GPHN: variants seen among roughly 807,000 people sequenced by gnomAD.
GPHN encodes gephyrin.
Under a neutral mutation model 95.5 loss-of-function variants are expected in GPHN, and 17 were observed. The ratio of observed to expected loss-of-function variants is 0.18; its 90% confidence interval spans 0.12 to 0.27. GPHN has a LOEUF of 0.27. GPHN is among the 10% of genes least tolerant of loss of function. The pLI is 1.00. For synonymous variants in GPHN, 320 were observed against 322.5 expected (o/e 0.99, Z 0.08); for missense variants, 660 against 978.1 (o/e 0.67, Z 4.34).
chr14:67,394,948 C>T, the GPHN span, among the ~76,000 whole-genome samples: 1 of 152,200 alleles, frequency 6.6e-6, no homozygotes, highest in African/African-American at 2.4e-5. Flanking sequence ...GCAGAGAACT[C>T]CCACCAGCAA....
chr14:66,699,011 C>T (rs2068311177), intron 2 of GPHN, among the ~76,000 whole-genome samples: 1 of 151,464 alleles, frequency 6.6e-6, no homozygotes, highest in Non-Finnish European at 1.5e-5. Flanking sequence ...TCATTGTGAC[C>T]TGAGTGAGAA....
chr14:67,180,942 C>A lies in GPHN; in HGVS notation c.*5C>A. ...ATGGTCATTGGACGGCTATGATGGT[C>A]ACCAGCAGGAGAAAGCTTTGATGCA... is the stretch of plus-strand genomic sequence containing the variant. On this transcript the variant is annotated 3_prime_UTR_variant, in exon 23 of 23. Coordinates refer to ENST00000478722, the MANE Select transcript of GPHN (RefSeq NM_020806.5). 1 of 1,613,826 alleles carries A rather than the reference C, an allele frequency of 6.2e-7. No homozygotes were observed. The highest frequency in any genetic ancestry group is 1.1e-5 in the South Asian group (1 of 91,072).
intron 7 of GPHN, 151 bp from the exon 8 acceptor site, chr14:66,924,043 A>T (rs545695478): frequency 1.5e-6 from 1 of 658,056 alleles, no homozygotes; most frequent in South Asian, 1.7e-5. Context: ...GGCATTTAAA[A>T]TCTAAGCTGA....
chr14:67,242,042 C>G, the GPHN span: 1 of 152,228 alleles, frequency 6.6e-6, no homozygotes, highest in Non-Finnish European at 1.5e-5. Context: ...TTCCTTGTGA[C>G]CACTTTAAAA....
intron 11 of GPHN, among the ~76,000 whole-genome samples, chr14:67,082,121 T>G (rs2076718533): frequency 6.6e-6 from 1 of 152,164 alleles, no homozygotes; most frequent in South Asian, 2.1e-4. Flanking sequence ...GATTGTCTTT[T>G]CTAGTTCTGT....
intron 13 of GPHN, among the ~76,000 whole-genome samples, chr14:67,102,171 CT>C (rs1196422197): frequency 1.3e-5 from 2 of 152,026 alleles, no homozygotes; most frequent in African/African-American, 4.8e-5. Context: ...CGCGCCCGGC[CT>C]GGCCATTGTT....
chr14:67,128,288 G>A (rs921024172), intron 17 of GPHN, among the ~76,000 whole-genome samples: 1 of 149,094 alleles, frequency 6.7e-6, no homozygotes, highest in African/African-American at 2.5e-5. Flanking sequence ...ACGGAGTCTC[G>A]CTCTGTCGCC....
At chr14:67,064,834 A>T (rs544501577) in intron 11 of GPHN, among the ~76,000 whole-genome samples, 1 of 151,852 alleles carries the variant, frequency 6.6e-6, no homozygotes, top group South Asian at 2.1e-4. Flanking sequence ...TTTCTTCTTT[A>T]TTAGTCATGC....
chr14:67,392,292 G>A, the GPHN span: 58 of 1,338,158 alleles, frequency 4.3e-5, no homozygotes, highest in Middle Eastern at 9.2e-4. Flanking sequence ...CTTGAGAACT[G>A]TCCATCTCTC....
At chr14:66,550,945 C>T (rs552236747) in intron 1 of GPHN, 1 of 153,018 alleles carries the variant, frequency 6.5e-6, no homozygotes, top group African/African-American at 2.4e-5. Context: ...CAAGCTCCAC[C>T]TCCTGGGTTC....
intron 8 of GPHN, among the ~76,000 whole-genome samples, chr14:66,950,029 AG>A (rs1360901429): frequency 2.6e-5 from 4 of 151,354 alleles, no homozygotes; most frequent in Non-Finnish European, 5.9e-5. Flanking sequence ...GCATAGATAA[AG>A]AATCAGCACA....
At chr14:67,338,817 A>G in the GPHN span, 287 of 1,490,518 alleles carry the variant, frequency 1.9e-4, no homozygotes, top group Non-Finnish European at 2.5e-4. Context: ...TATTAAGTAG[A>G]TTTGATTTCT....
chr14:67,715,956 G>C, the GPHN span, among the ~76,000 whole-genome samples: 2 of 152,206 alleles, frequency 1.3e-5, no homozygotes, highest in Non-Finnish European at 2.9e-5. Context: ...AGCACTTTGG[G>C]AGGCCGAGGC....
chr14:67,704,050 G>A, the GPHN span, among the ~76,000 whole-genome samples: 4 of 152,244 alleles, frequency 2.6e-5, no homozygotes, highest in Non-Finnish European at 2.9e-5. Flanking sequence ...TGTTGGATTC[G>A]TATTTTTATG....
chr14:67,552,206 C>T, the GPHN span, among the ~76,000 whole-genome samples: 16 of 152,274 alleles, frequency 1.1e-4, no homozygotes, highest in African/African-American at 3.6e-4. Flanking sequence ...CCTTGGCTGG[C>T]GTGTTACCCC....
chr14:66,761,381 C>T (rs115920568), intron 2 of GPHN, among the ~76,000 whole-genome samples: 5,304 of 152,008 alleles, frequency 0.035, 122 homozygotes, highest in Middle Eastern at 0.068. Flanking sequence ...TAAAATATTC[C>T]CTTTATTAAT....
At chr14:67,149,205 G>A (rs2081092774) in intron 18 of GPHN, among the ~76,000 whole-genome samples, 1 of 151,734 alleles carries the variant, frequency 6.6e-6, no homozygotes, top group South Asian at 2.1e-4. Context: ...TTAGCTGGGC[G>A]TGGTGGCGGG....
the GPHN span, among the ~76,000 whole-genome samples, chr14:67,435,804 G>A: frequency 5.9e-5 from 9 of 152,186 alleles, no homozygotes; most frequent in Non-Finnish European, 1.0e-4. Context: ...GCATCACCCC[G>A]CTGTGTCCTT....
At chr14:67,225,307 C>A in the GPHN span, 1 of 1,327,716 alleles carries the variant, frequency 7.5e-7, no homozygotes, top group Non-Finnish European at 9.9e-7. Context: ...TACATGATAG[C>A]TATGATACTG....
Sources: gnomAD v4.1 joint callset for allele counts (sites outside exome capture counted in the v4.1 genomes callset) on GRCh38, gnomAD v4.1.1 for gene constraint, MANE v1.5 for transcripts, NCBI Gene and HGNC (gene_info 2026-07-23, HGNC 2026-07-21) for gene names.